The following EDNRB variants were observed in gnomAD, a reference collection of about 807,000 sequenced individuals.
The protein encoded by EDNRB is endothelin receptor type B.
Under a neutral mutation model 46.4 loss-of-function variants are expected in EDNRB, and 18 were observed. The ratio of observed to expected loss-of-function variants is 0.39; its 90% CI spans 0.27 to 0.57. The LOEUF (loss-of-function observed/expected upper bound fraction) is 0.57, where lower values mean the gene tolerates loss of function less well. Ranked by LOEUF, EDNRB falls within the 20% of genes least tolerant of loss-of-function variation. The probability of loss-of-function intolerance (pLI) is 0.61; values close to 1 mark genes in which losing one functional copy is unlikely to be tolerated. For synonymous variants in EDNRB, 213 were observed against 204.9 expected (o/e 1.04, Z -0.34); for missense variants, 434 against 537.5 (o/e 0.81, Z 1.90).
At chr13:77,973,745 A>G (rs1342280084) in intron 1 of EDNRB, among the ~76,000 whole-genome samples, 12 of 152,114 alleles carry the variant, frequency 7.9e-5, no homozygotes, top group African/African-American at 1.2e-4. Flanking sequence ...CTTTTAAACT[A>G]GACAACATTT....
At chr13:77,925,378 G>T (rs1880208342) in intron 1 of EDNRB, among the ~76,000 whole-genome samples, 1 of 152,164 alleles carries the variant, frequency 6.6e-6, no homozygotes, top group Non-Finnish European at 1.5e-5. Context: ...TTTAATAGAG[G>T]TATTTGCAGA....
chr13:77,968,090 T>C (rs1358206905), intron 1 of EDNRB, among the ~76,000 whole-genome samples: 1 of 152,192 alleles, frequency 6.6e-6, no homozygotes. Context: ...TATTACACCA[T>C]ATGAAATCAA....
At chr13:77,923,299 A>G (rs1008481300), upstream of EDNRB, among the ~76,000 whole-genome samples, 1 of 152,144 alleles carries the variant, frequency 6.6e-6, no homozygotes, top group African/African-American at 2.4e-5. Context: ...TTTCTTTGAC[A>G]TATTTTTTTT....
chr13:77,922,443 T>G (rs1880112923), upstream of EDNRB, among the ~76,000 whole-genome samples: 1 of 152,198 alleles, frequency 6.6e-6, no homozygotes, highest in Admixed American at 6.5e-5. Flanking sequence ...AGTACTTTCA[T>G]GTAATCCTCT....
At chr13:77,899,539 A>T (rs1323305463) in intron 6 of EDNRB, 1 of 248,732 alleles carries the variant, frequency 4.0e-6, no homozygotes, top group Non-Finnish European at 7.9e-6. Context: ...AGGGCCTTTA[A>T]TTCATGTTTA....
chr13:77,952,428 A>G (rs1469377521), intron 1 of EDNRB, among the ~76,000 whole-genome samples: 1 of 152,188 alleles, frequency 6.6e-6, no homozygotes, highest in Non-Finnish European at 1.5e-5. Flanking sequence ...TTTAATAAAC[A>G]TTATTAGTTT....
chr13:77,952,066 G>C (rs1346155494), intron 1 of EDNRB, among the ~76,000 whole-genome samples: 1 of 152,164 alleles, frequency 6.6e-6, no homozygotes, highest in Non-Finnish European at 1.5e-5. Context: ...TTGCAGGGAA[G>C]AGGTCCCGAT....
At chr13:77,916,852 C>T (rs1191486054) in intron 1 of EDNRB, among the ~76,000 whole-genome samples, 1 of 151,750 alleles carries the variant, frequency 6.6e-6, no homozygotes, top group Admixed American at 6.6e-5. Context: ...GCTGCTGCTG[C>T]TGGGAAAGTT....
rs141511138 is a variant in EDNRB, at chr13:77,901,621, A to G, written c.802-414T>C. On this transcript the variant is annotated intron_variant, in intron 3 of 6. Coordinates refer to ENST00000646607, the MANE Select transcript of EDNRB (RefSeq NM_001122659.3). ...TTTTTAGCAAGTTTGTTTAATGGGA[A>G]CAACAGATACGAAAAGGTCTAGGTT... Among the ~76,000 whole-genome samples, 1,053 of 152,112 alleles carry G rather than the reference A, an allele frequency of 6.9e-3. 4 individuals carry two copies. The highest frequency in any genetic ancestry group is 0.01 in the Non-Finnish European group (696 of 67,912).
rs142335377 is a variant in EDNRB, at chr13:77,964,218, C to A, written c.-52+11129G>T. On this transcript the variant is annotated intron_variant, in intron 1 of 7. Transcript: ENST00000646948. ...CATTGTGGAAGACAGTGTGGCCACT[C>A]CTCAAGGATCTAGAACTAGAAATAC... Among the ~76,000 whole-genome samples, 1,044 of 152,316 alleles carry A rather than the reference C, an allele frequency of 6.9e-3. 15 individuals are homozygous for A. Among genetic ancestry groups the A allele is most frequent in the African/African-American group, 0.024 (996 of 41,560 alleles).
chr13:77,905,251 T>C (rs1879216732), intron 1 of EDNRB, among the ~76,000 whole-genome samples: 2 of 151,918 alleles, frequency 1.3e-5, no homozygotes, highest in African/African-American at 4.8e-5. Flanking sequence ...AGACATCACA[T>C]ACTTTTTGCT....
intron 1 of EDNRB, among the ~76,000 whole-genome samples, chr13:77,969,953 G>A (rs984524480): frequency 5.3e-5 from 8 of 151,296 alleles, no homozygotes; most frequent in Admixed American, 3.9e-4. Context: ...GAGACATGAT[G>A]TTTGAAAAAA....
At chr13:77,934,774 A>T (rs189371002) in intron 1 of EDNRB, among the ~76,000 whole-genome samples, 7 of 152,174 alleles carry the variant, frequency 4.6e-5, no homozygotes, top group Admixed American at 2.6e-4. Context: ...CATGATGGAA[A>T]GGAAATGAGA....
intron 1 of EDNRB, among the ~76,000 whole-genome samples, chr13:77,915,609 C>T (rs979403041): frequency 2.0e-5 from 3 of 152,170 alleles, no homozygotes; most frequent in African/African-American, 7.2e-5. Flanking sequence ...GGAATGATAA[C>T]GATACCTCCT....
At chr13:77,908,304 T>G (rs983395350) in intron 1 of EDNRB, among the ~76,000 whole-genome samples, 6 of 151,854 alleles carry the variant, frequency 4.0e-5, no homozygotes, top group Admixed American at 3.3e-4. Context: ...CCATGCCCAC[T>G]ATTGATGCTC....
Position 77,903,279 on chromosome 13 carries a change from C to A in EDNRB, c.678G>T (p.Trp226Cys). ...KWTAVEIVLIWVVSVVLAVPE... is the reference protein window; with the variant it reads ...KWTAVEIVLICVVSVVLAVPE... ...GGACAGCCAGAACCACAGAGACCAC[C>A]CAAATCAAAACAATTTCTACTGCTG... Residue 226 changes from tryptophan (W) to cysteine (C), a missense_variant, in exon 3 of 7, where the codon TGG becomes TGT. Transcript: ENST00000646607. 2.5e-6 allele frequency: 4 copies of A among 1,612,896 alleles called. No individual in the cohort carries two copies. Among genetic ancestry groups the A allele is most frequent in the Non-Finnish European group, 2.5e-6 (3 of 1,179,334 alleles).
intron 1 of EDNRB, among the ~76,000 whole-genome samples, chr13:77,915,774 G>T (rs1308114207): frequency 6.6e-6 from 1 of 152,210 alleles, no homozygotes; most frequent in African/African-American, 2.4e-5. Flanking sequence ...GTAATGTGAT[G>T]AATGTGTTTG....
At chr13:77,973,295 T>C (rs1881791106) in intron 1 of EDNRB, among the ~76,000 whole-genome samples, 1 of 152,210 alleles carries the variant, frequency 6.6e-6, no homozygotes, top group Non-Finnish European at 1.5e-5. Flanking sequence ...AATTTTACCT[T>C]TATATTAATG....
At chr13:77,944,785 C>T (rs140097332) in intron 1 of EDNRB, 26 of 152,298 alleles carry the variant, frequency 1.7e-4, no homozygotes, top group African/African-American at 6.3e-4. Context: ...TTTCAGTGAA[C>T]AGCAAGTTGT....
Sources: gnomAD v4.1 joint callset for allele counts (sites outside exome capture counted in the v4.1 genomes callset) on GRCh38, gnomAD v4.1.1 for gene constraint, MANE v1.5 for transcripts, NCBI Gene and HGNC (gene_info 2026-07-23, HGNC 2026-07-21) for gene names.